Variants in AKT3 observed in about 807,000 individuals in gnomAD.
AKT3 encodes the protein RAC-gamma serine/threonine-protein kinase.
A neutral mutation model predicts 65.3 loss-of-function variants in AKT3; 15 were observed. That is an observed-to-expected ratio of 0.23 (90% CI 0.15 to 0.35). The LOEUF is 0.35. Ranked by LOEUF, AKT3 falls within the 10% of genes least tolerant of loss-of-function variation. AKT3 has a pLI of 1.00. For missense variants in AKT3, 243 were observed against 576.5 expected (o/e 0.42, Z 5.92); for synonymous variants, 206 against 183.8 (o/e 1.12, Z -0.98).
intron 8 of AKT3, among the ~76,000 whole-genome samples, chr1:243,573,449 T>C (rs1674707376): frequency 6.6e-6 from 1 of 152,196 alleles, no homozygotes; most frequent in South Asian, 2.1e-4. Flanking sequence ...AATTATTTGA[T>C]TTCAAAGACA....
chr1:243,764,298 T>C (rs1025212942), intron 2 of AKT3, among the ~76,000 whole-genome samples: 1 of 151,974 alleles, frequency 6.6e-6, no homozygotes, highest in Admixed American at 6.6e-5. Context: ...TAAAACTCTA[T>C]AAAGTAAAAG....
intron 12 of AKT3, among the ~76,000 whole-genome samples, chr1:243,543,413 G>C (rs778219663): frequency 1.4e-4 from 21 of 151,832 alleles, no homozygotes; most frequent in African/African-American, 5.1e-4. Flanking sequence ...GGGCCACATT[G>C]GTACCTCAAC....
chr1:243,739,519 T>C (rs1411357622), intron 2 of AKT3: 2 of 152,242 alleles, frequency 1.3e-5, no homozygotes, highest in African/African-American at 4.8e-5. Flanking sequence ...ATCACACTAG[T>C]TACCTTTCAA....
chr1:243,716,569 C>T (rs1355153434), intron 2 of AKT3, among the ~76,000 whole-genome samples: 1 of 152,178 alleles, frequency 6.6e-6, no homozygotes, highest in Non-Finnish European at 1.5e-5. Flanking sequence ...TGGATATGGA[C>T]TTCCTCAGCA....
At chr1:243,712,120 T>G (rs1686199887) in intron 2 of AKT3, among the ~76,000 whole-genome samples, 1 of 152,224 alleles carries the variant, frequency 6.6e-6, no homozygotes. Flanking sequence ...GTAGGGATAT[T>G]AGGATTGACT....
chr1:243,529,400 T>G (rs1671371325), intron 12 of AKT3, among the ~76,000 whole-genome samples: 1 of 152,200 alleles, frequency 6.6e-6, no homozygotes, highest in Non-Finnish European at 1.5e-5. Flanking sequence ...TAGGTTATCT[T>G]ATATGGCATT....
chr1:243,759,200 A>G lies in AKT3; in HGVS notation c.47-63484T>C, dbSNP rs140736641. Among the ~76,000 whole-genome samples, 1,077 of 152,262 alleles carry G rather than the reference A, an allele frequency of 7.1e-3. 9 individuals carry two copies. The highest frequency in any genetic ancestry group is 0.013 in the South Asian group (65 of 4,826). The stretch of plus-strand genomic sequence containing the variant: ...CGTGGTGGTGTGCACCAGTAGTCCC[A>G]GATACTCAGGAAACTGAGGTGGGAG... On this transcript the variant is annotated intron_variant, in intron 2 of 13. Coordinates refer to ENST00000673466, the MANE Select transcript of AKT3 (RefSeq NM_005465.7).
intron 9 of AKT3, among the ~76,000 whole-genome samples, chr1:243,566,425 C>G (rs1460745594): frequency 6.6e-6 from 1 of 152,120 alleles, no homozygotes; most frequent in Non-Finnish European, 1.5e-5. Context: ...CAAACCAAGA[C>G]AGCTGGTTAC....
intron 2 of AKT3, among the ~76,000 whole-genome samples, chr1:243,766,853 G>A (rs894645634): frequency 1.3e-5 from 2 of 152,282 alleles, no homozygotes; most frequent in Non-Finnish European, 2.9e-5. Context: ...GAAGTAGGTA[G>A]AAGATATGAA....
chr1:243,604,641 T>A lies in AKT3; in HGVS notation c.696+9030A>T, dbSNP rs116799161. On this transcript the variant is annotated intron_variant, in intron 8 of 13. Coordinates refer to ENST00000673466, the MANE Select transcript of AKT3 (RefSeq NM_005465.7). ...GTTTCCTACTCTGGCACCCTTTGCT[T>A]TCCTTTCCTCTGCTCCTCAGGTTCA... is the stretch of plus-strand genomic sequence containing the variant. Among the ~76,000 whole-genome samples the A allele has an allele frequency of 8.1e-3, 1,238 of 152,272 alleles. 15 individuals are homozygous for A. Among genetic ancestry groups the A allele is most frequent in the African/African-American group, 0.029 (1,191 of 41,546 alleles).
At chr1:243,528,554 TGTAA>T (rs1298075638) in intron 12 of AKT3, among the ~76,000 whole-genome samples, 4 of 152,194 alleles carry the variant, frequency 2.6e-5, no homozygotes, top group East Asian at 1.9e-4. Context: ...AGCTCCCACT[TGTAA>T]GTGAGAATAT....
intron 2 of AKT3, among the ~76,000 whole-genome samples, chr1:243,754,905 G>A (rs1206527093): frequency 6.6e-6 from 1 of 152,144 alleles, no homozygotes; most frequent in Non-Finnish European, 1.5e-5. Context: ...CTGCTATGAC[G>A]AGGAAGAATG....
chr1:243,492,031 G>A lies in AKT3; in HGVS notation c.*7-3581C>T, dbSNP rs555241495. 7.9e-5 allele frequency among the ~76,000 whole-genome samples: 12 copies of A among 152,118 alleles called. No homozygotes were observed. The South Asian group carries it at 1.9e-3, about 24-fold the overall frequency. On this transcript the variant is annotated intron_variant, in intron 13 of 13. Coordinates refer to the AKT3 transcript ENST00000336199. ...CTCCCTGTCCTGGGTCCTGAGCCCC[G>A]CTGCCCCTGGTGGTGGGGCTCAGGC...
At chr1:243,792,046 A>G (rs1367378049) in intron 2 of AKT3, among the ~76,000 whole-genome samples, 2 of 152,342 alleles carry the variant, frequency 1.3e-5, no homozygotes, top group Admixed American at 6.5e-5. Context: ...CTCAGGCTCA[A>G]AAACATTTGA....
Position 243,697,862 on chromosome 1 carries a change from G to A in AKT3, c.47-2146C>T, listed in dbSNP as rs139250659. Among the ~76,000 whole-genome samples the A allele has an allele frequency of 9.9e-4, 151 of 152,028 alleles. 1 individual carries two copies. Among genetic ancestry groups the A allele is most frequent in the Non-Finnish European group, 1.7e-3 (115 of 67,938 alleles). On this transcript the variant is annotated intron_variant, in intron 2 of 13. Coordinates refer to ENST00000673466, the MANE Select transcript of AKT3 (RefSeq NM_005465.7). ...GATAATACTCTACATGCCCAAGCTG[G>A]TGCCCACCACTTAATGCTCAATCAT...
intron 12 of AKT3, among the ~76,000 whole-genome samples, chr1:243,532,173 C>A (rs1487686807): frequency 6.6e-6 from 1 of 152,154 alleles, no homozygotes; most frequent in African/African-American, 2.4e-5. Flanking sequence ...AAAGTGGTAT[C>A]TTTGTTTTCT....
intron 8 of AKT3, among the ~76,000 whole-genome samples, chr1:243,598,407 G>C (rs1001399507): frequency 6.6e-6 from 1 of 151,802 alleles, no homozygotes; most frequent in African/African-American, 2.4e-5. Context: ...TTTTTTTATT[G>C]TTAAGCTTAG....
At chr1:243,669,544 C>T (rs1038272125) in intron 3 of AKT3, among the ~76,000 whole-genome samples, 1 of 152,072 alleles carries the variant, frequency 6.6e-6, no homozygotes, top group Non-Finnish European at 1.5e-5. Context: ...CTGTGTGATC[C>T]TTTTGAAAGT....
intron 2 of AKT3, among the ~76,000 whole-genome samples, chr1:243,752,883 T>TA (rs1688896279): frequency 6.6e-6 from 1 of 152,158 alleles, no homozygotes; most frequent in Non-Finnish European, 1.5e-5. Context: ...GAAAGGAAGT[T>TA]AAAGTTTTCA....
Sources: allele counts gnomAD v4.1 joint callset (sites outside exome capture counted in the v4.1 genomes callset), GRCh38; gene constraint gnomAD v4.1.1; transcripts MANE v1.5; gene names NCBI Gene and HGNC (gene_info 2026-07-23, HGNC 2026-07-21).